Variants in EAF2 observed in about 807,000 individuals in gnomAD.
EAF2 encodes the protein ELL associated factor 2, also known as ELL-associated factor 2.
A neutral mutation model predicts 29.4 loss-of-function variants in EAF2; 29 were observed. The ratio of observed to expected loss-of-function variants is 0.99; its 90% confidence interval spans 0.73 to 1.35. The LOEUF (loss-of-function observed/expected upper bound fraction) is 1.35, where lower values mean the gene tolerates loss of function less well. EAF2 is among the 40% of genes most tolerant of loss of function. The pLI is 0.00. For synonymous variants in EAF2, 103 were observed against 102.5 expected, an observed-to-expected ratio of 1.00 and a Z score of -0.03; for missense variants, 292 against 312.0, an observed-to-expected ratio of 0.94 and a Z score of 0.48.
At chr3:121,873,723 A>G (rs1709054850) in intron 5 of EAF2, among the ~76,000 whole-genome samples, 2 of 151,784 alleles carry the variant, frequency 1.3e-5, no homozygotes. Flanking sequence ...TCTTTTTGCC[A>G]CTATATTCAA....
intron 4 of EAF2, among the ~76,000 whole-genome samples, chr3:121,857,843 C>A (rs1708748737): frequency 6.6e-6 from 1 of 152,064 alleles, no homozygotes; most frequent in Non-Finnish European, 1.5e-5. Context: ...CCATGACAGG[C>A]CCCGGTGTGT....
At chr3:121,836,580 G>T (rs1313930025) in intron 1 of EAF2, 4 of 943,330 alleles carry the variant, frequency 4.2e-6, no homozygotes, top group African/African-American at 1.8e-5. Context: ...TGAGATATTT[G>T]TGAACAGAAA....
At chr3:121,870,670 T>C (rs956413487) in intron 4 of EAF2, among the ~76,000 whole-genome samples, 2 of 152,080 alleles carry the variant, frequency 1.3e-5, no homozygotes, top group Admixed American at 6.6e-5. Context: ...AAAGGGCTCA[T>C]AGCCAGAAGA....
chr3:121,849,260 T>C (rs1708585385), intron 2 of EAF2, among the ~76,000 whole-genome samples: 1 of 152,156 alleles, frequency 6.6e-6, no homozygotes, highest in Non-Finnish European at 1.5e-5. Flanking sequence ...GTACGTTTGG[T>C]TCTTTGATAG....
At chr3:121,837,159 T>G (rs1708316789) in intron 1 of EAF2, among the ~76,000 whole-genome samples, 1 of 152,224 alleles carries the variant, frequency 6.6e-6, no homozygotes, top group Non-Finnish European at 1.5e-5. Flanking sequence ...AAGTTTTCAG[T>G]CCTTATTTTC....
chr3:121,842,958 A>G (rs1708461365), intron 1 of EAF2, among the ~76,000 whole-genome samples: 1 of 152,060 alleles, frequency 6.6e-6, no homozygotes, highest in South Asian at 2.1e-4. Context: ...GTAAATCAAA[A>G]CTCTTTCACA....
chr3:121,843,535 T>G (rs991504803), intron 1 of EAF2, among the ~76,000 whole-genome samples: 2 of 152,154 alleles, frequency 1.3e-5, no homozygotes, highest in Non-Finnish European at 2.9e-5. Context: ...AGCTTAATTT[T>G]TGTTCTCTTT....
Position 121,886,385 on chromosome 3 carries a change from C to G in EAF2, c.780C>G (p.Asp260Glu), listed in dbSNP as rs1576661687. The change falls in exon 6 of 6, where the codon GAC (aspartate) becomes GAG (glutamate). Residue 260 changes from aspartate (D) to glutamate (E), a missense_variant. By Grantham distance (45) the Asp-to-Glu change is conservative (BLOSUM62 2). Transcript: ENST00000273668. ...QLSESGSDSD[D>E] ...GTGAATCAGGAAGTGACAGTGATGA[C>G]TGAAGAAATATTTAGCTATAAATAA... 9 of 1,461,172 alleles carry G rather than the reference C, an allele frequency of 6.2e-6. No homozygotes were observed. The East Asian group carries it at 2.3e-4, about 38-fold the overall frequency. The allele number at this position is 1,461,172 out of a possible 1,614,324, so 90.5% of individuals were successfully genotyped here. A position where few individuals can be genotyped will look rare whatever the true frequency, so the allele number is the denominator to read the frequency against.
intron 1 of EAF2, among the ~76,000 whole-genome samples, chr3:121,840,076 A>G (rs1249165990): frequency 6.6e-6 from 1 of 150,662 alleles, no homozygotes; most frequent in Admixed American, 6.6e-5. Context: ...CCCGTAATCC[A>G]GCTTCTTGGA....
intron 1 of EAF2, among the ~76,000 whole-genome samples, chr3:121,842,020 T>TA (rs966703840): frequency 7.0e-6 from 1 of 143,712 alleles, no homozygotes; most frequent in African/African-American, 2.6e-5. Flanking sequence ...AAAAAAAAAA[T>TA]AAAAAAATAA....
intron 4 of EAF2, among the ~76,000 whole-genome samples, chr3:121,871,993 T>C (rs563874551): frequency 6.6e-6 from 1 of 152,030 alleles, no homozygotes; most frequent in East Asian, 1.9e-4. Context: ...TTATTCTTTT[T>C]ATCTACAGAA....
rs569496898 is a variant in EAF2, at chr3:121,848,011, C to T, written c.201+3464C>T. Among the ~76,000 whole-genome samples, 6 of 152,228 alleles carry T rather than the reference C, an allele frequency of 3.9e-5. No individual in the cohort carries two copies. The South Asian group carries it at 1.2e-3, about 32-fold the overall frequency. On this transcript the variant is annotated intron_variant, in intron 2 of 5. Transcript: ENST00000273668. The stretch of plus-strand genomic sequence containing the variant: ...GATGATAACCACAGGTCTATATGAG[C>T]GTTTTTACTAAAGTGCCTGTGTTCA...
chr3:121,876,823 G>A (rs1448869897), intron 5 of EAF2, among the ~76,000 whole-genome samples: 1 of 151,888 alleles, frequency 6.6e-6, no homozygotes, highest in Non-Finnish European at 1.5e-5. Context: ...AGAAGGAGAA[G>A]TGAAAGAAAG....
chr3:121,850,619 A>T (rs1233034689), intron 2 of EAF2, among the ~76,000 whole-genome samples: 2 of 152,272 alleles, frequency 1.3e-5, no homozygotes, highest in East Asian at 3.9e-4. Flanking sequence ...ATATTGTGTT[A>T]CATTATAGAA....
rs577157491 is a variant in EAF2, at chr3:121,871,166, A to C, written c.485-1371A>C. 7.3e-5 allele frequency among the ~76,000 whole-genome samples: 11 copies of C among 151,566 alleles called. No individual in the cohort carries two copies. The South Asian group carries it at 1.5e-3, about 20-fold the overall frequency. ...AAAATGGGTAACTAACTTGTGGTAT[A>C]TTTATATAATATAATATAATATAAT... On this transcript the variant is annotated intron_variant, in intron 4 of 5. Coordinates refer to ENST00000273668, the MANE Select transcript of EAF2 (RefSeq NM_018456.6).
intron 5 of EAF2, among the ~76,000 whole-genome samples, chr3:121,875,469 A>G (rs1559829692): frequency 6.6e-6 from 1 of 151,962 alleles, no homozygotes; most frequent in Non-Finnish European, 1.5e-5. Flanking sequence ...GACTAGGTGG[A>G]ACGAACTACA....
chr3:121,850,358 A>G (rs78646981), intron 2 of EAF2, among the ~76,000 whole-genome samples: 3,449 of 134,896 alleles, frequency 0.026, 65 homozygotes, highest in Middle Eastern at 0.057. Context: ...TTTTTTGATT[A>G]CTCTTATTAC....
intron 1 of EAF2, among the ~76,000 whole-genome samples, chr3:121,840,488 TAA>T (rs1221757062): frequency 8.6e-5 from 3 of 35,010 alleles, no homozygotes; most frequent in East Asian, 8.1e-4. Flanking sequence ...AGACTTCGTC[TAA>T]AAAAAAAAAA....
intron 4 of EAF2, among the ~76,000 whole-genome samples, chr3:121,862,255 C>T (rs1708845912): frequency 6.6e-6 from 1 of 152,196 alleles, no homozygotes; most frequent in African/African-American, 2.4e-5. Flanking sequence ...GGATAATATC[C>T]TGAAGAGTGT....
Sources: gnomAD v4.1 joint callset for allele counts (sites outside exome capture counted in the v4.1 genomes callset) on GRCh38, gnomAD v4.1.1 for gene constraint, MANE v1.5 for transcripts, NCBI Gene and HGNC (gene_info 2026-07-23, HGNC 2026-07-21) for gene names.